SLC7A11: variants seen among roughly 807,000 people sequenced by gnomAD.
SLC7A11 encodes solute carrier family 7 member 11, also known as cystine/glutamate transporter.
A neutral mutation model predicts 54.5 loss-of-function variants in SLC7A11; 35 were observed. The ratio of observed to expected loss-of-function variants is 0.64; its 90% CI spans 0.49 to 0.85. The LOEUF is 0.85. SLC7A11 is among the 40% of genes least tolerant of loss of function. SLC7A11 has a pLI of 0.00. For synonymous variants in SLC7A11, 230 were observed against 225.2 expected (o/e 1.02, Z -0.19); for missense variants, 583 against 618.1 (o/e 0.94, Z 0.60).
At position 138,237,674 on chromosome 4, in the gene SLC7A11, A is replaced by G. The variant is rs138592565; in HGVS notation, c.278-1223T>C. Among the ~76,000 whole-genome samples, 1,062 of 125,116 alleles carry G rather than the reference A, an allele frequency of 8.5e-3. 34 individuals carry two copies. Among genetic ancestry groups the G allele is most frequent in the African/African-American group, 0.03 (1,003 of 33,082 alleles). The allele number at this position is 125,116 out of a possible 152,430, so 82.1% of individuals were successfully genotyped here. On this transcript the variant is annotated intron_variant, in intron 1 of 11. Coordinates refer to ENST00000280612, the MANE Select transcript of SLC7A11 (RefSeq NM_014331.4). Reference sequence around the variant, plus strand: ...CGGCCTCCCAAAGTGCTGGGATTACAAGTGTGAGCCACTGCGCCTAGCCAG... The same window carrying G: ...CGGCCTCCCAAAGTGCTGGGATTACGAGTGTGAGCCACTGCGCCTAGCCAG...
chr4:138,236,369 T>C lies in SLC7A11; in HGVS notation c.360A>G (p.Pro120=), dbSNP rs774043057. 6.8e-6 allele frequency: 11 copies of C among 1,613,584 alleles called. No homozygotes were observed. In the African/African-American group the frequency reaches 8.0e-5, roughly 12 times the overall value. ...HYTYILEVFG[P]LPAFVRVWVE... is the part of the protein sequence containing the mutation. The stretch of plus-strand genomic sequence containing the variant: ...CCCAGACTCGTACAAAAGCTGGTAA[T>C]GGACCAAAGACTTCCAAAATATATG... Residue 120 remains proline (P), a synonymous_variant, in exon 2 of 12, where the codon CCA becomes CCG. Coordinates refer to ENST00000280612, the MANE Select transcript of SLC7A11 (RefSeq NM_014331.4).
At chr4:138,217,498 G>A (rs537852389) in intron 5 of SLC7A11, among the ~76,000 whole-genome samples, 28 of 152,208 alleles carry the variant, frequency 1.8e-4, no homozygotes, top group African/African-American at 5.1e-4. Context: ...CTACATAAGC[G>A]GAGAAATTTT....
intron 1 of SLC7A11, among the ~76,000 whole-genome samples, chr4:138,241,475 G>A (rs1233424736): frequency 2.0e-5 from 3 of 151,980 alleles, no homozygotes; most frequent in Non-Finnish European, 4.4e-5. Context: ...ACAACTGCCC[G>A]GCACAGAAAG....
At chr4:138,193,239 G>T (rs557194920) in intron 6 of SLC7A11, among the ~76,000 whole-genome samples, 1 of 152,260 alleles carries the variant, frequency 6.6e-6, no homozygotes, top group South Asian at 2.1e-4. Context: ...ATTTCACTTT[G>T]ATATCTAGTG....
intron 11 of SLC7A11, among the ~76,000 whole-genome samples, 176 bp downstream of exon 11, chr4:138,179,041 C>T (rs892482298): frequency 2.0e-5 from 3 of 152,098 alleles, no homozygotes; most frequent in African/African-American, 4.8e-5. Flanking sequence ...AAGGATTCAA[C>T]GGCTGTACCC....
intron 8 of SLC7A11, 62 bp downstream of exon 8, chr4:138,183,140 T>C: frequency 2.6e-6 from 3 of 1,163,936 alleles, no homozygotes; most frequent in Non-Finnish European, 2.5e-6. Flanking sequence ...TTTAAAGTTA[T>C]CCTTATCACA....
chr4:138,206,540 A>T (rs1737412149), intron 6 of SLC7A11, among the ~76,000 whole-genome samples: 1 of 151,732 alleles, frequency 6.6e-6, no homozygotes, highest in African/African-American at 2.4e-5. Context: ...GAATCCTTAC[A>T]ATTAAAAAAA....
intron 6 of SLC7A11, among the ~76,000 whole-genome samples, chr4:138,191,609 A>G (rs1329109047): frequency 1.3e-5 from 2 of 152,184 alleles, no homozygotes; most frequent in African/African-American, 4.8e-5. Flanking sequence ...CTCACAACTC[A>G]GGAATATGGA....
Position 138,169,154 on chromosome 4 carries a change from A to G in SLC7A11, c.*2802T>C, listed in dbSNP as rs1256734260. 4 of 152,126 alleles carry G rather than the reference A, an allele frequency of 2.6e-5. No homozygotes were observed. The highest frequency in any genetic ancestry group is 4.8e-5 in the African/African-American group (2 of 41,456). 9.4% of individuals were successfully genotyped at this position (152,126 alleles called of 1,614,324 possible). A position where few individuals can be genotyped will look rare whatever the true frequency, so the allele number is the denominator to read the frequency against. ...TGCATGGTACAAAGTACAAGTACAG[A>G]ACATGTAGTAAGTAGTATGTGCATG... On this transcript the variant is annotated 3_prime_UTR_variant, in exon 12 of 12. Coordinates refer to ENST00000280612, the MANE Select transcript of SLC7A11 (RefSeq NM_014331.4).
chr4:138,237,743 T>A (rs1329625673), intron 1 of SLC7A11, among the ~76,000 whole-genome samples: 272 of 15,920 alleles, frequency 0.017, no homozygotes, highest in East Asian at 0.042. Context: ...ATATATTTTT[T>A]TTTTTTTTTT....
At position 138,236,355 on chromosome 4, in the gene SLC7A11, A is replaced by G. The variant is rs1738206762; in HGVS notation, c.374T>C (p.Val125Ala). The G allele has an allele frequency of 6.2e-7, 1 of 1,613,602 alleles. No individual in the cohort carries two copies. Among genetic ancestry groups the G allele is most frequent in the Non-Finnish European group, 8.5e-7 (1 of 1,179,658 alleles). Residue 125 changes from valine (V) to alanine (A), a missense_variant, in exon 2 of 12, where the codon GTA (valine) becomes GCA (alanine). By Grantham distance (64) the Val-to-Ala change is moderately conservative. Coordinates refer to ENST00000280612, the MANE Select transcript of SLC7A11 (RefSeq NM_014331.4). The stretch of plus-strand genomic sequence containing the variant: ...TATGAGGAGTTCCACCCAGACTCGT[A>G]CAAAAGCTGGTAATGGACCAAAGAC... ...LEVFGPLPAFVRVWVELLIIR... is the reference protein window; with the variant it reads ...LEVFGPLPAFARVWVELLIIR...
rs2148404358 is a variant in SLC7A11, at chr4:138,169,887, G to A, written c.*2069C>T. ...AGGAGTTATTATAAATTCACTCAGA[G>A]ACCCAAACGTTAGGTTCAGCTAAAG... On this transcript the variant is annotated 3_prime_UTR_variant, in exon 12 of 12. Coordinates refer to ENST00000280612, the MANE Select transcript of SLC7A11 (RefSeq NM_014331.4). The A allele has an allele frequency of 6.6e-6, 1 of 152,050 alleles. No individual in the cohort carries two copies. Among genetic ancestry groups the A allele is most frequent in the Non-Finnish European group, 1.5e-5 (1 of 67,964 alleles). The allele number at this position is 152,050 out of a possible 1,614,324, so 9.4% of individuals were successfully genotyped here. A position where few individuals can be genotyped will look rare whatever the true frequency, so the allele number is the denominator to read the frequency against.
At chr4:138,202,224 T>C (rs185188201) in intron 6 of SLC7A11, among the ~76,000 whole-genome samples, 1 of 152,206 alleles carries the variant, frequency 6.6e-6, no homozygotes, top group East Asian at 1.9e-4. Flanking sequence ...TTATACCACA[T>C]TAATGGCACC....
Position 138,242,114 on chromosome 4 carries a change from A to G in SLC7A11, c.-45T>C, listed in dbSNP as rs765504291. The stretch of plus-strand genomic sequence containing the variant: ...AAAATAAAACAGAGGGAAAGAAAAC[A>G]AAACTTTCAACTTTGGTGTCTCTTG... On this transcript the variant is annotated 5_prime_UTR_variant, in exon 1 of 12. Coordinates refer to ENST00000280612, the MANE Select transcript of SLC7A11 (RefSeq NM_014331.4). 66 of 1,586,066 alleles carry G rather than the reference A, an allele frequency of 4.2e-5. No individual in the cohort carries two copies. The highest frequency in any genetic ancestry group is 5.3e-5 in the Non-Finnish European group (62 of 1,165,398).
chr4:138,172,157 T>A, intron 11 of SLC7A11, 140 bp from the exon 12 acceptor site: 1 of 844,322 alleles, frequency 1.2e-6, no homozygotes, highest in Non-Finnish European at 1.7e-6. Flanking sequence ...ATTATTTACT[T>A]CATTAGAATT....
At position 138,164,625 on chromosome 4, in the gene SLC7A11, AT is replaced by A. The variant is rs1238057346; in HGVS notation, c.*7330del. The stretch of plus-strand genomic sequence containing the variant: ...TAAAATGCAGTTTTGCTCTTTAAGA[AT>A]TTTATCAATGTAAGACATTGTATTA... On this transcript the variant is annotated 3_prime_UTR_variant, in exon 12 of 12. Coordinates refer to ENST00000280612, the MANE Select transcript of SLC7A11 (RefSeq NM_014331.4). The A allele has an allele frequency of 6.6e-6, 1 of 152,168 alleles. No homozygotes were observed. The highest frequency in any genetic ancestry group is 1.9e-4 in the East Asian group (1 of 5,204). The allele number at this position is 152,168 out of a possible 1,614,324, so 9.4% of individuals were successfully genotyped here. A position where few individuals can be genotyped will look rare whatever the true frequency, so the allele number is the denominator to read the frequency against.
chr4:138,181,060 C>A (rs1300119158), intron 9 of SLC7A11, among the ~76,000 whole-genome samples: 1 of 151,958 alleles, frequency 6.6e-6, no homozygotes, highest in Non-Finnish European at 1.5e-5. Context: ...TTTTTAGTTC[C>A]TTTTGCATTT....
rs994384597 is a variant in SLC7A11 at position 138,168,402 on chromosome 4, C to A, written c.*3554G>T. 5.9e-5 allele frequency: 9 copies of A among 152,216 alleles called. No homozygotes were observed. The highest frequency in any genetic ancestry group is 2.2e-4 in the African/African-American group (9 of 41,526). 9.4% of individuals were successfully genotyped at this position (152,216 alleles called of 1,614,324 possible). A position where few individuals can be genotyped will look rare whatever the true frequency, so the allele number is the denominator to read the frequency against. Reference sequence around the variant, plus strand: ...GCCTTCGGTTTTTTATCTTTTCATACCTTATACCTCAATTACAAAAGATCA... The same window carrying A: ...GCCTTCGGTTTTTTATCTTTTCATAACTTATACCTCAATTACAAAAGATCA... On this transcript the variant is annotated 3_prime_UTR_variant, in exon 12 of 12. Coordinates refer to ENST00000280612, the MANE Select transcript of SLC7A11 (RefSeq NM_014331.4).
At chr4:138,227,193 C>T (rs537525197) in intron 3 of SLC7A11, among the ~76,000 whole-genome samples, 1 of 152,258 alleles carries the variant, frequency 6.6e-6, no homozygotes, top group African/African-American at 2.4e-5. Flanking sequence ...GGGTCAGGTT[C>T]TTCTTGGCTT....
Sources: allele counts gnomAD v4.1 joint callset (sites outside exome capture counted in the v4.1 genomes callset), GRCh38; gene constraint gnomAD v4.1.1; transcripts MANE v1.5; gene names NCBI Gene and HGNC (gene_info 2026-07-23, HGNC 2026-07-21).